CFAP61: variants seen among roughly 807,000 people sequenced by gnomAD.
CFAP61 encodes cilia- and flagella-associated protein 61.
In CFAP61, 107 loss-of-function variants were observed where a neutral mutation model predicts 135.6. That is an observed-to-expected ratio of 0.79 (90% CI 0.67 to 0.93). The LOEUF (loss-of-function observed/expected upper bound fraction) is 0.93. Among genes scored for constraint, CFAP61 ranks in the 40% least tolerant of loss-of-function variants. The pLI is 0.00. For synonymous variants in CFAP61, 575 were observed against 578.5 expected, an observed-to-expected ratio of 0.99 and a Z score of 0.09; for missense variants, 1,507 against 1,556.2, an observed-to-expected ratio of 0.97 and a Z score of 0.53.
intron 22 of CFAP61, among the ~76,000 whole-genome samples, chr20:20,279,305 C>T (rs558168893): frequency 3.2e-4 from 48 of 152,230 alleles, no homozygotes; most frequent in African/African-American, 1.0e-3. Context: ...TTTGACTCTC[C>T]AAAAACTTAG....
At chr20:20,142,161 A>G (rs2051455729) in intron 8 of CFAP61, among the ~76,000 whole-genome samples, 1 of 152,210 alleles carries the variant, frequency 6.6e-6, no homozygotes, top group South Asian at 2.1e-4. Flanking sequence ...ACCTTTGTAG[A>G]CAAAATGGGA....
intron 17 of CFAP61, among the ~76,000 whole-genome samples, chr20:20,203,411 A>G (rs1413254986): frequency 6.6e-6 from 1 of 152,188 alleles, no homozygotes; most frequent in Non-Finnish European, 1.5e-5. Context: ...GGAAGTTTTT[A>G]TTAGATGACT....
intron 18 of CFAP61, among the ~76,000 whole-genome samples, chr20:20,236,783 T>G (rs1219184760): frequency 6.6e-6 from 1 of 152,220 alleles, no homozygotes; most frequent in Non-Finnish European, 1.5e-5. Flanking sequence ...TCCCATAATG[T>G]TCCATGATTC....
At chr20:20,179,402 A>G (rs2054879454) in intron 13 of CFAP61, among the ~76,000 whole-genome samples, 1 of 152,236 alleles carries the variant, frequency 6.6e-6, no homozygotes, top group African/African-American at 2.4e-5. Context: ...CAAATGAAAA[A>G]CATTCCATGG....
chr20:20,068,903 C>T (rs1261467025), intron 2 of CFAP61, among the ~76,000 whole-genome samples: 1 of 152,194 alleles, frequency 6.6e-6, no homozygotes, highest in East Asian at 1.9e-4. Context: ...TGCCATCACG[C>T]CCAGCTGATG....
At chr20:20,214,910 G>C (rs1448106952) in intron 17 of CFAP61, among the ~76,000 whole-genome samples, 1 of 152,248 alleles carries the variant, frequency 6.6e-6, no homozygotes, top group African/African-American at 2.4e-5. Context: ...AGAGAGAGAA[G>C]CATCCACAGG....
At chr20:20,241,911 G>A (rs1216386301) in intron 18 of CFAP61, among the ~76,000 whole-genome samples, 1 of 152,114 alleles carries the variant, frequency 6.6e-6, no homozygotes, top group Non-Finnish European at 1.5e-5. Context: ...GTTATTTGAA[G>A]ATATTAAAAT....
chr20:20,312,092 C>T (rs1231678730), intron 25 of CFAP61, among the ~76,000 whole-genome samples: 1 of 152,102 alleles, frequency 6.6e-6, no homozygotes, highest in African/African-American at 2.4e-5. Flanking sequence ...CTGAAAATTT[C>T]CACACCTAAC....
In CFAP61 at chr20:20,359,062, G is replaced by C. The variant is rs146557301; in HGVS notation, c.3514-1148G>C. ...TAGCAGATGTTAACTGTGGAGTCCAGGTGCAGGTGTGCAGGTGTTCAGTGG... is the reference window on the plus strand; with the variant it reads ...TAGCAGATGTTAACTGTGGAGTCCACGTGCAGGTGTGCAGGTGTTCAGTGG... On this transcript the variant is annotated intron_variant, in intron 26 of 26. Coordinates refer to ENST00000245957, the MANE Select transcript of CFAP61 (RefSeq NM_015585.4). The surrounding 1 kb of genome is among the most constrained non-coding windows in gnomAD (Gnocchi z 4.0). Among the ~76,000 whole-genome samples the C allele has an allele frequency of 1.3e-5, 2 of 152,300 alleles. No individual in the cohort carries two copies. The highest frequency in any genetic ancestry group is 2.4e-5 in the African/African-American group (1 of 41,562).
At chr20:20,353,096 A>C (rs2122448107) in intron 26 of CFAP61, among the ~76,000 whole-genome samples, 1 of 152,338 alleles carries the variant, frequency 6.6e-6, no homozygotes, top group South Asian at 2.1e-4. Context: ...ACTTCTCAAA[A>C]GAAGACATAC....
At chr20:20,320,355 T>C (rs1327309255) in intron 25 of CFAP61, among the ~76,000 whole-genome samples, 8 of 38,730 alleles carry the variant, frequency 2.1e-4, no homozygotes, top group Non-Finnish European at 4.4e-4. Context: ...GTAATATATA[T>C]AATATATGTA....
At chr20:20,060,782 C>T (rs964713965) in intron 2 of CFAP61, among the ~76,000 whole-genome samples, 9 of 152,196 alleles carry the variant, frequency 5.9e-5, no homozygotes, top group African/African-American at 1.7e-4. Flanking sequence ...ACTGGGTCTC[C>T]GGAAGTGCTC....
intron 25 of CFAP61, among the ~76,000 whole-genome samples, chr20:20,299,111 A>G (rs114087406): frequency 3.7e-4 from 56 of 152,354 alleles, no homozygotes; most frequent in African/African-American, 1.3e-3. Context: ...CACCCACAGA[A>G]GCAACTGCCA....
At chr20:20,100,417 C>A (rs762718847) in intron 8 of CFAP61, among the ~76,000 whole-genome samples, 3 of 152,118 alleles carry the variant, frequency 2.0e-5, no homozygotes, top group Non-Finnish European at 4.4e-5. Flanking sequence ...AGGTGATTTA[C>A]CTGCCTCAGC....
intron 26 of CFAP61, among the ~76,000 whole-genome samples, chr20:20,354,314 A>C (rs768703567): frequency 4.6e-5 from 7 of 151,994 alleles, no homozygotes; most frequent in Non-Finnish European, 1.0e-4. Context: ...GCAGCCTCGC[A>C]AACATGGTGA....
At chr20:20,146,889 A>C (rs919969740) in intron 9 of CFAP61, among the ~76,000 whole-genome samples, 7 of 152,304 alleles carry the variant, frequency 4.6e-5, no homozygotes, top group African/African-American at 1.7e-4. Context: ...CCCAATATGC[A>C]GTCTTTTATC....
chr20:20,059,218 C>G (rs1328094156), intron 2 of CFAP61, among the ~76,000 whole-genome samples: 3 of 146,214 alleles, frequency 2.1e-5, no homozygotes, highest in South Asian at 2.2e-4. Context: ...AGTCCCACTA[C>G]TCGGGAGGCT....
intron 25 of CFAP61, among the ~76,000 whole-genome samples, chr20:20,341,290 T>G (rs961312260): frequency 2.0e-5 from 3 of 152,190 alleles, no homozygotes; most frequent in Admixed American, 6.5e-5. Context: ...ATTTCAACTT[T>G]CAGTGAAAAG....
At chr20:20,277,937 A>G (rs2053898836) in intron 22 of CFAP61, among the ~76,000 whole-genome samples, 1 of 152,172 alleles carries the variant, frequency 6.6e-6, no homozygotes, top group African/African-American at 2.4e-5. Flanking sequence ...GAGTGGAGAG[A>G]GAGGCAGTGT....
Sources: allele counts gnomAD v4.1 joint callset (sites outside exome capture counted in the v4.1 genomes callset), GRCh38; gene constraint gnomAD v4.1.1; non-coding constraint Gnocchi (gnomAD v3.1); transcripts MANE v1.5; gene names NCBI Gene and HGNC (gene_info 2026-07-23, HGNC 2026-07-21).